LARGE1: variants seen among roughly 807,000 people sequenced by gnomAD.
LARGE1 encodes xylosyl- and glucuronyltransferase LARGE1.
LARGE1 carries 43 observed loss-of-function variants against 87.6 expected under a neutral mutation model. The observed-to-expected ratio is 0.49, with a 90% CI of 0.38 to 0.63. The LOEUF (loss-of-function observed/expected upper bound fraction) is 0.63, where lower values mean the gene tolerates loss of function less well. LARGE1 is among the 30% of genes least tolerant of loss of function. LARGE1 has a pLI of 0.00. For missense variants in LARGE1, 802 were observed against 1,000.2 expected, an observed-to-expected ratio of 0.80 and a Z score of 2.67; for synonymous variants, 434 against 394.6, an observed-to-expected ratio of 1.10 and a Z score of -1.18.
intron 2 of LARGE1, among the ~76,000 whole-genome samples, chr22:33,715,827 A>T (rs1315726014): frequency 6.6e-6 from 1 of 152,218 alleles, no homozygotes; most frequent in Non-Finnish European, 1.5e-5. Flanking sequence ...GATCACAGAC[A>T]TCATTGAGCA....
At chr22:33,215,012 C>T (rs767986855) in intron 11 of LARGE1, among the ~76,000 whole-genome samples, 52 of 152,108 alleles carry the variant, frequency 3.4e-4, no homozygotes, top group Non-Finnish European at 5.9e-4. Flanking sequence ...CTACTCTGGG[C>T]CTACAATGGG....
chr22:33,624,949 T>C (rs557668585), intron 4 of LARGE1, among the ~76,000 whole-genome samples: 4 of 152,162 alleles, frequency 2.6e-5, no homozygotes, highest in East Asian at 1.9e-4. Context: ...GATGGGCTTG[T>C]TGGAAGACAG....
At chr22:33,700,376 C>T (rs2082370121) in intron 2 of LARGE1, among the ~76,000 whole-genome samples, 1 of 152,210 alleles carries the variant, frequency 6.6e-6, no homozygotes, top group African/African-American at 2.4e-5. Context: ...TGAAGTTTAA[C>T]TACAATGTCC....
intron 1 of LARGE1, among the ~76,000 whole-genome samples, chr22:33,867,945 C>A (rs975202506): frequency 6.6e-6 from 1 of 152,110 alleles, no homozygotes; most frequent in Non-Finnish European, 1.5e-5. Context: ...GGTCTACCTG[C>A]GGCTTGCCCA....
Position 33,396,261 on chromosome 22 carries a change from A to G in LARGE1, c.893-11957T>C, listed in dbSNP as rs150679724. Reference sequence around the variant, plus strand: ...TTCCTCCCTTCTGCTTTGAAGCACTAGAGTTCTCTTCTTATTCATAATCCA... The same window carrying G: ...TTCCTCCCTTCTGCTTTGAAGCACTGGAGTTCTCTTCTTATTCATAATCCA... On this transcript the variant is annotated intron_variant, in intron 7 of 14. Coordinates refer to ENST00000397394, the MANE Select transcript of LARGE1 (RefSeq NM_133642.5). Among the ~76,000 whole-genome samples, 80 of 152,354 alleles carry G rather than the reference A, an allele frequency of 5.3e-4. 2 individuals carry two copies. In the East Asian group the frequency reaches 0.014, roughly 28 times the overall value.
chr22:33,470,104 A>G (rs1331621222), intron 6 of LARGE1, among the ~76,000 whole-genome samples: 3 of 151,508 alleles, frequency 2.0e-5, no homozygotes, highest in Non-Finnish European at 2.9e-5. Flanking sequence ...GTTAGCCAGG[A>G]TGGTCTTGAT....
At chr22:33,818,360 G>A (rs2086719545) in intron 1 of LARGE1, among the ~76,000 whole-genome samples, 2 of 152,198 alleles carry the variant, frequency 1.3e-5, no homozygotes, top group South Asian at 4.1e-4. Context: ...CTCACTCAGG[G>A]ATGTCTTTCC....
At chr22:33,864,148 G>A (rs140821711) in intron 1 of LARGE1, among the ~76,000 whole-genome samples, 1 of 152,280 alleles carries the variant, frequency 6.6e-6, no homozygotes, top group African/African-American at 2.4e-5. Context: ...GAAGCTGGGA[G>A]GCAGGAAAGG....
intron 13 of LARGE1, among the ~76,000 whole-genome samples, chr22:33,280,860 G>C (rs1434293676): frequency 6.6e-6 from 1 of 152,194 alleles, no homozygotes; most frequent in African/African-American, 2.4e-5. Flanking sequence ...CTGGAAGACT[G>C]GTTCCAATTC....
chr22:33,453,562 T>G (rs1168804954), intron 6 of LARGE1, among the ~76,000 whole-genome samples: 9 of 152,124 alleles, frequency 5.9e-5, no homozygotes, highest in Non-Finnish European at 7.4e-5. Context: ...CTACAGTCAG[T>G]GAGATAATGG....
chr22:33,890,723 G>A (rs2064981467), intron 1 of LARGE1, among the ~76,000 whole-genome samples: 1 of 144,210 alleles, frequency 6.9e-6, no homozygotes, highest in Non-Finnish European at 1.5e-5. Flanking sequence ...CATGAGCTTC[G>A]TGATAAGCCA....
chr22:33,914,936 G>A (rs559336633), intron 1 of LARGE1, among the ~76,000 whole-genome samples: 5 of 152,026 alleles, frequency 3.3e-5, no homozygotes, highest in Non-Finnish European at 7.4e-5. Flanking sequence ...CTGATCCCCT[G>A]GGGCTTGATT....
chr22:33,314,521 C>T (rs1935944590), intron 11 of LARGE1, among the ~76,000 whole-genome samples: 1 of 152,186 alleles, frequency 6.6e-6, no homozygotes, highest in Non-Finnish European at 1.5e-5. Context: ...GTCCATTCTT[C>T]AGTCATTCAT....
At chr22:33,781,350 A>C (rs910645747) in intron 1 of LARGE1, among the ~76,000 whole-genome samples, 1 of 152,082 alleles carries the variant, frequency 6.6e-6, no homozygotes, top group African/African-American at 2.4e-5. Flanking sequence ...AAAATACAAA[A>C]ATTAGCCAGG....
chr22:33,869,237 T>G (rs2064202826), intron 1 of LARGE1, among the ~76,000 whole-genome samples: 1 of 152,108 alleles, frequency 6.6e-6, no homozygotes, highest in African/African-American at 2.4e-5. Context: ...ACTCCCTGCT[T>G]GATCTGACCC....
chr22:33,320,476 G>T (rs1396909708), intron 10 of LARGE1, among the ~76,000 whole-genome samples: 1 of 152,146 alleles, frequency 6.6e-6, no homozygotes, highest in Non-Finnish European at 1.5e-5. Flanking sequence ...CTCCATTAAA[G>T]CACTTGTCAA....
intron 1 of LARGE1, among the ~76,000 whole-genome samples, chr22:33,848,319 T>C (rs2063490464): frequency 6.6e-6 from 1 of 152,124 alleles, no homozygotes; most frequent in Admixed American, 6.5e-5. Flanking sequence ...GGACTCAGTG[T>C]GTGAGAATGA....
At chr22:33,699,675 A>G (rs996091179) in intron 2 of LARGE1, among the ~76,000 whole-genome samples, 13 of 152,362 alleles carry the variant, frequency 8.5e-5, no homozygotes, top group African/African-American at 3.1e-4. Flanking sequence ...GTGTAGGCAT[A>G]GCAATAAAAT....
At chr22:33,192,013 A>G (rs766765403) in intron 11 of LARGE1, among the ~76,000 whole-genome samples, 136 of 152,208 alleles carry the variant, frequency 8.9e-4, no homozygotes, top group Non-Finnish European at 1.7e-3. Context: ...AACATTAAGC[A>G]TATCTAAATA....
Sources: gnomAD v4.1 joint callset for allele counts (sites outside exome capture counted in the v4.1 genomes callset) on GRCh38, gnomAD v4.1.1 for gene constraint, MANE v1.5 for transcripts, NCBI Gene and HGNC (gene_info 2026-07-23, HGNC 2026-07-21) for gene names.